The following MTHFD2L variants were observed in gnomAD, a reference collection of about 807,000 sequenced individuals.
MTHFD2L encodes the protein bifunctional methylenetetrahydrofolate dehydrogenase/cyclohydrolase 2, mitochondrial.
MTHFD2L carries 29 observed loss-of-function variants against 34.9 expected under a neutral mutation model. The observed-to-expected ratio is 0.83, with a 90% confidence interval of 0.62 to 1.13. The LOEUF is 1.13. Ranked by LOEUF, MTHFD2L falls within the 50% of genes most tolerant of loss-of-function variation. The pLI is 0.00. For missense variants in MTHFD2L, 481 were observed against 446.5 expected (o/e 1.08, Z -0.70); for synonymous variants, 167 against 155.7 (o/e 1.07, Z -0.54).
chr4:74,276,720 A>G (rs919757671), intron 6 of MTHFD2L, among the ~76,000 whole-genome samples: 5 of 152,116 alleles, frequency 3.3e-5, no homozygotes, highest in African/African-American at 1.2e-4. Flanking sequence ...TTGAGCAACT[A>G]TATGCTTCCG....
intron 7 of MTHFD2L, chr4:74,293,803 T>C (rs1037471352): frequency 6.6e-6 from 1 of 152,236 alleles, no homozygotes; most frequent in African/African-American, 2.4e-5. Context: ...CTGTACTTCA[T>C]TTTCCTGAAG....
At chr4:74,178,575 A>T (rs1485498452) in intron 3 of MTHFD2L, among the ~76,000 whole-genome samples, 1 of 152,010 alleles carries the variant, frequency 6.6e-6, no homozygotes, top group Non-Finnish European at 1.5e-5. Flanking sequence ...GAGTGTCTCA[A>T]ACAGAGAGTG....
intron 3 of MTHFD2L, among the ~76,000 whole-genome samples, chr4:74,198,187 G>T (rs1250748020): frequency 6.6e-6 from 1 of 152,144 alleles, no homozygotes; most frequent in Non-Finnish European, 1.5e-5. Context: ...TCTAGTTCTG[G>T]CTTCCAGATT....
Position 74,213,678 on chromosome 4 carries a change from T to C in MTHFD2L, c.713-11624T>C, listed in dbSNP as rs545288977. ...TTAACCTTGGTGAATGTGACGGTTA[T>C]GTGTCTTGTTGTTGCTCTTCTCATG... On this transcript the variant is annotated intron_variant, in intron 5 of 7. Coordinates refer to ENST00000325278, the MANE Select transcript of MTHFD2L (RefSeq NM_001144978.3). Among the ~76,000 whole-genome samples the C allele has an allele frequency of 1.6e-4, 25 of 152,308 alleles. No homozygotes were observed. In the South Asian group the frequency reaches 5.0e-3, roughly 30 times the overall value.
chr4:74,257,022 T>A (rs1199068875), intron 6 of MTHFD2L, among the ~76,000 whole-genome samples: 1 of 152,214 alleles, frequency 6.6e-6, no homozygotes, highest in Non-Finnish European at 1.5e-5. Context: ...TTCATAGGAA[T>A]AGCAATGAAT....
chr4:74,204,032 T>G (rs953893196), intron 5 of MTHFD2L, among the ~76,000 whole-genome samples: 3 of 152,134 alleles, frequency 2.0e-5, no homozygotes, highest in Non-Finnish European at 4.4e-5. Flanking sequence ...TATATTAATG[T>G]TATTCCCATT....
intron 2 of MTHFD2L, among the ~76,000 whole-genome samples, chr4:74,174,912 T>G (rs1357117398): frequency 6.6e-6 from 1 of 152,186 alleles, no homozygotes; most frequent in South Asian, 2.1e-4. Context: ...TGGCAAGATA[T>G]GCAAAGGATA....
intron 5 of MTHFD2L, among the ~76,000 whole-genome samples, chr4:74,207,766 C>CTTTTTTTTTTTTTTTTTTTTTTTT (rs768932793): frequency 7.8e-6 from 1 of 128,476 alleles, no homozygotes; most frequent in Non-Finnish European, 1.6e-5. Flanking sequence ...TGAAAAAGAA[C>CTTTTTTTTTTTTTTTTTTTTTTTT]TTTTTTTTTT....
intron 7 of MTHFD2L, among the ~76,000 whole-genome samples, chr4:74,284,219 A>G (rs1485145556): frequency 2.6e-5 from 4 of 152,144 alleles, no homozygotes; most frequent in African/African-American, 4.8e-5. Flanking sequence ...AAGGATGACA[A>G]TGTCCCAGAG....
chr4:74,294,909 A>G (rs946959230), intron 7 of MTHFD2L, among the ~76,000 whole-genome samples: 6 of 152,116 alleles, frequency 3.9e-5, no homozygotes, highest in African/African-American at 7.2e-5. Flanking sequence ...AGGCTGAAAA[A>G]GAATTTCTTG....
At chr4:74,265,536 A>T (rs1261672179) in intron 6 of MTHFD2L, among the ~76,000 whole-genome samples, 2 of 152,180 alleles carry the variant, frequency 1.3e-5, no homozygotes, top group Non-Finnish European at 2.9e-5. Flanking sequence ...TTCTCTATCC[A>T]GTCTTATGAA....
intron 1 of MTHFD2L, among the ~76,000 whole-genome samples, chr4:74,134,407 TG>T (rs749175167): frequency 2.6e-5 from 4 of 152,090 alleles, no homozygotes; most frequent in Admixed American, 6.6e-5. Flanking sequence ...CATGGCCATT[TG>T]CAAAAGTCAA....
At chr4:74,175,260 C>A (rs1186767084) in intron 2 of MTHFD2L, 21 bp from the exon 3 acceptor site, 1 of 1,609,006 alleles carries the variant, frequency 6.2e-7, no homozygotes, top group Admixed American at 1.7e-5. Context: ...AAGTGACCTT[C>A]TCTACCTGTT....
chr4:74,228,090 C>A (rs1309361723), intron 6 of MTHFD2L, among the ~76,000 whole-genome samples: 2 of 152,038 alleles, frequency 1.3e-5, no homozygotes, highest in African/African-American at 4.8e-5. Flanking sequence ...TACAGATAAC[C>A]ATACCACATT....
intron 1 of MTHFD2L, among the ~76,000 whole-genome samples, chr4:74,169,315 G>T (rs1727409513): frequency 6.6e-6 from 1 of 152,112 alleles, no homozygotes; most frequent in African/African-American, 2.4e-5. Flanking sequence ...TATGCTATTG[G>T]TCTTCTCTGA....
At chr4:74,187,770 ACT>A (rs1228193490) in intron 3 of MTHFD2L, among the ~76,000 whole-genome samples, 2 of 138,312 alleles carry the variant, frequency 1.4e-5, no homozygotes, top group Admixed American at 1.4e-4. Context: ...ACACACACAC[ACT>A]GGTCCAGCCA....
rs60432201 is a variant in MTHFD2L, at chr4:74,143,803, T to C, written c.-296-16252T>C. Among the ~76,000 whole-genome samples the C allele has an allele frequency of 2.9e-3, 445 of 152,306 alleles. 4 individuals are homozygous for C. Among genetic ancestry groups the C allele is most frequent in the African/African-American group, 0.01 (416 of 41,572 alleles). The stretch of plus-strand genomic sequence containing the variant: ...CTTAATATTGTTTTGTGCTCAATAA[T>C]ATATAACTTATGAGAAGAAAGAGAA... On this transcript the variant is annotated intron_variant, in intron 1 of 7. Transcript: ENST00000433372.
intron 7 of MTHFD2L, among the ~76,000 whole-genome samples, 182 bp downstream of exon 7, chr4:74,281,732 C>G (rs1211805090): frequency 1.3e-5 from 2 of 151,878 alleles, no homozygotes; most frequent in Non-Finnish European, 2.9e-5. Flanking sequence ...TCTCTCTTTC[C>G]CTCCCTTTCA....
intron 6 of MTHFD2L, among the ~76,000 whole-genome samples, chr4:74,263,184 C>G (rs762997413): frequency 9.9e-5 from 15 of 151,910 alleles, no homozygotes; most frequent in Non-Finnish European, 2.2e-4. Flanking sequence ...TTCCATTGGT[C>G]TGTGTGTCTG....
Sources: allele counts gnomAD v4.1 joint callset (sites outside exome capture counted in the v4.1 genomes callset), GRCh38; gene constraint gnomAD v4.1.1; transcripts MANE v1.5; gene names NCBI Gene and HGNC (gene_info 2026-07-23, HGNC 2026-07-21).